Variants in DACH2 observed in about 807,000 individuals in gnomAD.
The protein encoded by DACH2 is dachshund homolog 2.
A neutral mutation model predicts 35.8 loss-of-function variants in DACH2; 17 were observed. That is an observed-to-expected ratio of 0.48 (90% CI 0.33 to 0.71). The LOEUF is 0.71. Among genes scored for constraint, DACH2 ranks in the 30% least tolerant of loss-of-function variants. The pLI is 0.02. For missense variants in DACH2, 469 were observed against 472.7 expected, an observed-to-expected ratio of 0.99 and a Z score of 0.07; for synonymous variants, 195 against 177.3, an observed-to-expected ratio of 1.10 and a Z score of -0.79.
At chrX:86,747,373 T>A (rs2041724218) in intron 7 of DACH2, among the ~76,000 whole-genome samples, 1 of 111,571 alleles carries the variant, frequency 9.0e-6, no homozygotes, top group Admixed American at 9.6e-5. Context: ...TCCAGCAATG[T>A]TTTGTCGTTT....
chrX:86,385,146 G>T (rs1176267233), intron 2 of DACH2, among the ~76,000 whole-genome samples: 1 of 111,435 alleles, frequency 9.0e-6, no homozygotes, highest in Non-Finnish European at 1.9e-5. Flanking sequence ...AATGAAACTA[G>T]TCTAAATTAC....
chrX:86,437,306 T>C (rs2037083649), intron 2 of DACH2, among the ~76,000 whole-genome samples: 1 of 111,549 alleles, frequency 9.0e-6, no homozygotes, highest in African/African-American at 3.3e-5. Flanking sequence ...TTTCAAGATC[T>C]CTCTTTCAGC....
intron 3 of DACH2, among the ~76,000 whole-genome samples, chrX:86,596,242 G>A (rs950030397): frequency 1.2e-4 from 13 of 111,486 alleles, no homozygotes; most frequent in African/African-American, 4.2e-4. Context: ...GAGTATTTAC[G>A]TAAGAGTAGA....
intron 3 of DACH2, among the ~76,000 whole-genome samples, chrX:86,630,500 C>T: frequency 9.1e-6 from 1 of 109,717 alleles, no homozygotes; most frequent in Non-Finnish European, 1.9e-5. Flanking sequence ...TCATTGTTAC[C>T]TAATTTGGCC....
intron 1 of DACH2, among the ~76,000 whole-genome samples, chrX:86,327,966 C>G (rs767488470): frequency 9.0e-6 from 1 of 111,682 alleles, no homozygotes; most frequent in South Asian, 3.7e-4. Flanking sequence ...GTGTATTTCT[C>G]AATCTTCCTT....
At chrX:86,771,496 A>T (rs1341247275) in intron 7 of DACH2, among the ~76,000 whole-genome samples, 1 of 112,133 alleles carries the variant, frequency 8.9e-6, no homozygotes, top group Non-Finnish European at 1.9e-5. Context: ...GTTAATACTG[A>T]TGCTAAAGTA....
intron 1 of DACH2, among the ~76,000 whole-genome samples, chrX:86,261,384 A>G (rs987794470): frequency 1.8e-5 from 2 of 112,105 alleles, no homozygotes; most frequent in Non-Finnish European, 3.8e-5. Context: ...AACAATTGGT[A>G]GTAAAGCAAA....
chrX:86,828,055 C>T, intron 11 of DACH2: 3 of 279,294 alleles, frequency 1.1e-5, no homozygotes, highest in South Asian at 1.2e-4. Context: ...CATAGTGCTT[C>T]AAAAACATTA....
In DACH2 at chrX:86,197,734, A is replaced by G. The variant is rs777547024; in HGVS notation, c.488+48626A>G. Among the ~76,000 whole-genome samples, 23 of 112,055 alleles carry G rather than the reference A, an allele frequency of 2.1e-4. No individual in the cohort carries two copies. In the South Asian group the frequency reaches 7.8e-3, roughly 38 times the overall value. ...GAAGACCTAAGTATCCTAAATATAT[A>G]TGCAGTCAACACAGGAGCACCCAGA... On this transcript the variant is annotated intron_variant, in intron 1 of 11. Transcript: ENST00000373125.
At chrX:86,831,706 T>C (rs1477447743) in intron 11 of DACH2, 1 of 116,241 alleles carries the variant, frequency 8.6e-6, no homozygotes, top group African/African-American at 3.3e-5. Context: ...ATTTTAAATG[T>C]ACAAAGCTGT....
At chrX:86,645,817 G>C (rs980619655) in intron 3 of DACH2, among the ~76,000 whole-genome samples, 1 of 111,095 alleles carries the variant, frequency 9.0e-6, no homozygotes, top group Non-Finnish European at 1.9e-5. Context: ...ACCAAATACT[G>C]CATGTTTTCA....
intron 1 of DACH2, among the ~76,000 whole-genome samples, chrX:86,300,730 T>C (rs1280203224): frequency 8.9e-6 from 1 of 111,870 alleles, no homozygotes; most frequent in African/African-American, 3.3e-5. Flanking sequence ...AAAATAAAAT[T>C]CAGGTGGGTC....
At chrX:86,451,027 C>A (rs190888816) in intron 2 of DACH2, among the ~76,000 whole-genome samples, 1 of 111,605 alleles carries the variant, frequency 9.0e-6, no homozygotes, top group East Asian at 2.8e-4. Context: ...ATTGTCTGTT[C>A]ACTCATGATA....
intron 11 of DACH2, chrX:86,829,139 G>A (rs1356066698): frequency 1.8e-5 from 2 of 111,955 alleles, no homozygotes; most frequent in African/African-American, 3.2e-5. Context: ...CTGAAGGAAT[G>A]TTTTCTAAAG....
At chrX:86,610,991 A>G (rs886743751) in intron 3 of DACH2, among the ~76,000 whole-genome samples, 9 of 110,546 alleles carry the variant, frequency 8.1e-5, no homozygotes, top group Non-Finnish European at 1.3e-4. Flanking sequence ...GGAGTCTCTC[A>G]GTGTAGTCAC....
At position 86,379,903 on chromosome X, in the gene DACH2, C is replaced by T. The variant is rs775664176; in HGVS notation, c.527+3041C>T. Among the ~76,000 whole-genome samples the T allele has an allele frequency of 1.4e-4, 16 of 110,656 alleles. 1 individual carries two copies. In the South Asian group the frequency reaches 5.2e-3, roughly 36 times the overall value. Reference sequence around the variant, plus strand: ...AGTTTTGACCACAAGTAATCTGTTACATGATTGGGATGCAATATGTTTAAA... The same window carrying T: ...AGTTTTGACCACAAGTAATCTGTTATATGATTGGGATGCAATATGTTTAAA... On this transcript the variant is annotated intron_variant, in intron 2 of 11. Coordinates refer to ENST00000373125, the MANE Select transcript of DACH2 (RefSeq NM_053281.3).
chrX:86,265,465 T>C (rs1467143409), intron 1 of DACH2, among the ~76,000 whole-genome samples: 1 of 111,970 alleles, frequency 8.9e-6, no homozygotes, highest in Non-Finnish European at 1.9e-5. Context: ...TATTCTTTAG[T>C]GATTAGCTTT....
At chrX:86,393,387 C>T (rs896322634) in intron 2 of DACH2, among the ~76,000 whole-genome samples, 1 of 112,040 alleles carries the variant, frequency 8.9e-6, no homozygotes, top group East Asian at 2.8e-4. Context: ...ATTCCCATTG[C>T]TCAGCATGTT....
chrX:86,375,129 A>G (rs1401261241), intron 1 of DACH2, among the ~76,000 whole-genome samples: 1 of 108,257 alleles, frequency 9.2e-6, no homozygotes, highest in Non-Finnish European at 1.9e-5. Flanking sequence ...ATTTTCAAAT[A>G]TCAAGGTAAA....
Sources: gnomAD v4.1 joint callset for allele counts (sites outside exome capture counted in the v4.1 genomes callset) on GRCh38, gnomAD v4.1.1 for gene constraint, MANE v1.5 for transcripts, NCBI Gene and HGNC (gene_info 2026-07-23, HGNC 2026-07-21) for gene names.